MGMT: variants seen among roughly 807,000 people sequenced by gnomAD.
MGMT encodes the protein methylated-DNA--protein-cysteine methyltransferase.
A neutral mutation model predicts 15.9 loss-of-function variants in MGMT; 14 were observed. The ratio of observed to expected loss-of-function variants is 0.88; its 90% CI spans 0.58 to 1.37. The LOEUF (loss-of-function observed/expected upper bound fraction) is 1.37. Ranked by LOEUF, MGMT falls within the 40% of genes most tolerant of loss-of-function variation. The pLI, the probability that MGMT is intolerant of heterozygous loss-of-function variation, is 0.00. For missense variants in MGMT, 282 were observed against 268.1 expected, an observed-to-expected ratio of 1.05 and a Z score of -0.36; for synonymous variants, 130 against 118.2, an observed-to-expected ratio of 1.10 and a Z score of -0.65.
intron 2 of MGMT, among the ~76,000 whole-genome samples, chr10:129,667,411 A>G (rs1338555484): frequency 1.3e-5 from 2 of 152,098 alleles, no homozygotes; most frequent in African/African-American, 4.8e-5. Flanking sequence ...CCTTTAATCC[A>G]GTGTTATGTT....
intron 3 of MGMT, among the ~76,000 whole-genome samples, chr10:129,735,244 TA>T (rs1848546631): frequency 6.6e-6 from 1 of 152,192 alleles, no homozygotes; most frequent in African/African-American, 2.4e-5. Flanking sequence ...CAGCTCCTGT[TA>T]TTGGTCTATT....
intron 1 of MGMT, among the ~76,000 whole-genome samples, chr10:129,502,720 A>C (rs868548577): frequency 2.0e-5 from 3 of 152,242 alleles, no homozygotes; most frequent in Middle Eastern, 3.4e-3. Flanking sequence ...TAATTAACTT[A>C]GGGGAAACCA....
chr10:129,583,076 C>A (rs140144746), intron 2 of MGMT, among the ~76,000 whole-genome samples: 1 of 152,290 alleles, frequency 6.6e-6, no homozygotes, highest in East Asian at 1.9e-4. Context: ...GATAGGCTGT[C>A]TTGCTTCCTT....
intron 2 of MGMT, among the ~76,000 whole-genome samples, chr10:129,561,400 C>G (rs1011601526): frequency 2.6e-5 from 4 of 152,136 alleles, no homozygotes; most frequent in Non-Finnish European, 5.9e-5. Flanking sequence ...AGACCCCAGA[C>G]GAGGGGAGCA....
intron 2 of MGMT, among the ~76,000 whole-genome samples, chr10:129,565,747 G>A (rs769375182): frequency 4.6e-5 from 7 of 152,108 alleles, no homozygotes; most frequent in African/African-American, 9.7e-5. Flanking sequence ...CTGGCGCCCC[G>A]TCTCCCCGTG....
intron 2 of MGMT, among the ~76,000 whole-genome samples, chr10:129,573,818 G>T (rs745860768): frequency 1.3e-5 from 2 of 152,098 alleles, no homozygotes; most frequent in Non-Finnish European, 2.9e-5. Flanking sequence ...ATATGAAAGA[G>T]TATAAAATCT....
At chr10:129,759,894 T>TG (rs1848852432) in intron 4 of MGMT, among the ~76,000 whole-genome samples, 1 of 152,180 alleles carries the variant, frequency 6.6e-6, no homozygotes, top group Non-Finnish European at 1.5e-5. Flanking sequence ...CAGGAGGCCT[T>TG]GCAGCATGGG....
At position 129,532,491 on chromosome 10, in the gene MGMT, G is replaced by C. The variant is rs1212634625; in HGVS notation, c.-12-3750G>C. On this transcript the variant is annotated intron_variant, in intron 1 of 4. Transcript: ENST00000651593. The surrounding 1 kb of genome is among the most constrained non-coding windows in gnomAD (Gnocchi z 5.3). ...GGAGACTGTCGGGGCTAAGCTGCCT[G>C]TGGCCCTCCACCGCCCTGCTCCTTC... is the stretch of plus-strand genomic sequence containing the variant. Among the ~76,000 whole-genome samples the C allele has an allele frequency of 6.6e-6, 1 of 152,122 alleles. No homozygotes were observed. Among genetic ancestry groups the C allele is most frequent in the African/African-American group, 2.4e-5 (1 of 41,430 alleles).
At chr10:129,728,980 C>T (rs4986980) in intron 3 of MGMT, among the ~76,000 whole-genome samples, 3,077 of 152,214 alleles carry the variant, frequency 0.02, 116 homozygotes, top group African/African-American at 0.07. Context: ...GAACTTGGAA[C>T]ATCCATATTT....
intron 4 of MGMT, among the ~76,000 whole-genome samples, chr10:129,760,311 C>T (rs1848857699): frequency 6.6e-6 from 1 of 152,224 alleles, no homozygotes; most frequent in Non-Finnish European, 1.5e-5. Flanking sequence ...ACCCACACAA[C>T]CTCAAGAATG....
chr10:129,656,881 G>A (rs1020630124), intron 2 of MGMT, among the ~76,000 whole-genome samples: 7 of 152,108 alleles, frequency 4.6e-5, no homozygotes, highest in Non-Finnish European at 1.0e-4. Context: ...GGGCCCCAAG[G>A]TTCTCCTTTC....
chr10:129,638,025 G>T (rs1847281821), intron 2 of MGMT, among the ~76,000 whole-genome samples: 1 of 152,222 alleles, frequency 6.6e-6, no homozygotes, highest in South Asian at 2.1e-4. Context: ...GCTCAGTCTG[G>T]TCTCAGGCTG....
rs74160217 is a variant in MGMT, at chr10:129,537,862, C to A, written c.125+1485C>A. 7.8e-3 allele frequency among the ~76,000 whole-genome samples: 1,194 copies of A among 152,274 alleles called. 22 individuals carry two copies. Among genetic ancestry groups the A allele is most frequent in the African/African-American group, 0.028 (1,153 of 41,538 alleles). On this transcript the variant is annotated intron_variant, in intron 2 of 4. Coordinates refer to ENST00000651593, the MANE Select transcript of MGMT (RefSeq NM_002412.5). ...GGAGCTGGGGCTGGTGCCTTCATGG[C>A]CCCTGGGAACTTGGGCTCCTCTGAG...
At chr10:129,758,631 A>G (rs1848834203) in intron 3 of MGMT, among the ~76,000 whole-genome samples, 2 of 152,138 alleles carry the variant, frequency 1.3e-5, no homozygotes, top group Non-Finnish European at 2.9e-5. Flanking sequence ...TTGCAGCCCT[A>G]TTCACTAAAG....
At chr10:129,641,001 C>A (rs1847322258) in intron 2 of MGMT, among the ~76,000 whole-genome samples, 1 of 152,164 alleles carries the variant, frequency 6.6e-6, no homozygotes, top group South Asian at 2.1e-4. Flanking sequence ...TCCACTCTTC[C>A]TACAGCTATT....
chr10:129,492,037 A>G (rs1845474053), intron 1 of MGMT, among the ~76,000 whole-genome samples: 1 of 151,998 alleles, frequency 6.6e-6, no homozygotes, highest in African/African-American at 2.4e-5. Flanking sequence ...GGACTTGTGC[A>G]TAAAGGACTG....
intron 2 of MGMT, among the ~76,000 whole-genome samples, chr10:129,591,286 C>T (rs1352915261): frequency 6.6e-6 from 1 of 152,224 alleles, no homozygotes; most frequent in African/African-American, 2.4e-5. Context: ...TCTTTCCAGG[C>T]TGACCTTGAA....
At chr10:129,749,375 G>A (rs1387725559) in intron 3 of MGMT, among the ~76,000 whole-genome samples, 1 of 152,028 alleles carries the variant, frequency 6.6e-6, no homozygotes, top group African/African-American at 2.4e-5. Flanking sequence ...TCATCTAGTT[G>A]GGATCATACA....
chr10:129,741,286 G>C (rs538207299), intron 3 of MGMT, among the ~76,000 whole-genome samples: 40 of 152,308 alleles, frequency 2.6e-4, no homozygotes, highest in African/African-American at 9.1e-4. Context: ...GGTCCCATCT[G>C]AAGAAGCCCT....
Sources: gnomAD v4.1 joint callset for allele counts (sites outside exome capture counted in the v4.1 genomes callset) on GRCh38, gnomAD v4.1.1 for gene constraint, Gnocchi (gnomAD v3.1) non-coding constraint, MANE v1.5 for transcripts, NCBI Gene and HGNC (gene_info 2026-07-23, HGNC 2026-07-21) for gene names.